ZNF804A: variants seen among roughly 807,000 people sequenced by gnomAD.
The protein encoded by ZNF804A is zinc finger protein 804A.
ZNF804A carries 2 observed loss-of-function variants against 16.5 expected under a neutral mutation model. The observed-to-expected ratio is 0.12, with a 90% CI of 0.05 to 0.38. The LOEUF (loss-of-function observed/expected upper bound fraction) is 0.38, where lower values mean the gene tolerates loss of function less well. ZNF804A is among the 10% of genes least tolerant of loss of function. ZNF804A has a pLI of 0.99. For synonymous variants in ZNF804A, 534 were observed against 489.6 expected, an observed-to-expected ratio of 1.09 and a Z score of -1.20; for missense variants, 1,473 against 1,390.7, an observed-to-expected ratio of 1.06 and a Z score of -0.94.
chr2:184,668,042 A>G (rs928333805), intron 1 of ZNF804A, among the ~76,000 whole-genome samples: 1 of 151,822 alleles, frequency 6.6e-6, no homozygotes, highest in African/African-American at 2.4e-5. Flanking sequence ...AACAGAATCA[A>G]CTTTACAAAA....
At chr2:184,663,215 C>A (rs1200245179) in intron 1 of ZNF804A, among the ~76,000 whole-genome samples, 1 of 152,168 alleles carries the variant, frequency 6.6e-6, no homozygotes, top group Non-Finnish European at 1.5e-5. Flanking sequence ...TGGGAAGCCC[C>A]CATACCCTCA....
intron 2 of ZNF804A, among the ~76,000 whole-genome samples, chr2:184,913,694 TTC>T (rs1263019175): frequency 3.9e-5 from 6 of 152,190 alleles, no homozygotes; most frequent in Non-Finnish European, 1.5e-5. Context: ...AAGAAGTTGA[TTC>T]TGATAGTTTT....
chr2:184,633,130 T>G (rs909820307), intron 1 of ZNF804A, among the ~76,000 whole-genome samples: 1 of 152,206 alleles, frequency 6.6e-6, no homozygotes, highest in African/African-American at 2.4e-5. Context: ...TATTCTATGA[T>G]GTTTGCCTGA....
chr2:184,938,729 AGCTGCAGCTGCAGCCGCAGCT>A lies in ZNF804A; in HGVS notation c.3336_3356del (p.Ala1113_Ala1119del), dbSNP rs1292125000. 2.5e-6 allele frequency: 4 copies of A among 1,605,980 alleles called. No individual in the cohort carries two copies. In the African/African-American group the frequency reaches 5.4e-5, roughly 22 times the overall value. ...TGCAGCAGCACGCTGCAGCTGCTGC[AGCTGCAGCTGCAGCCGCAGCT>A]GCAGGAACCTTTAAAGTGCTTCAGC... On this transcript the variant is annotated inframe_deletion, in exon 4 of 4. Transcript: ENST00000302277.
intron 1 of ZNF804A, among the ~76,000 whole-genome samples, chr2:184,701,959 G>A (rs1373410666): frequency 6.6e-6 from 1 of 151,906 alleles, no homozygotes; most frequent in East Asian, 1.9e-4. Context: ...GTTAAAAAGA[G>A]TTCTTTAGAG....
At chr2:184,610,133 C>T (rs1259972871) in intron 1 of ZNF804A, among the ~76,000 whole-genome samples, 1 of 152,078 alleles carries the variant, frequency 6.6e-6, no homozygotes, top group Admixed American at 6.5e-5. Context: ...GGCTGTTACT[C>T]GTAAGTCCAC....
chr2:184,634,518 AAGG>A (rs1348034057), intron 1 of ZNF804A, among the ~76,000 whole-genome samples: 19 of 152,044 alleles, frequency 1.2e-4, no homozygotes, highest in Non-Finnish European at 2.4e-4. Flanking sequence ...ATGGGCAGAG[AAGG>A]AGATGTGATG....
intron 1 of ZNF804A, among the ~76,000 whole-genome samples, chr2:184,703,466 G>A: frequency 6.6e-6 from 1 of 151,962 alleles, no homozygotes; most frequent in Non-Finnish European, 1.5e-5. Context: ...ACTTTGGGAG[G>A]CCGAGGCGGG....
intron 1 of ZNF804A, among the ~76,000 whole-genome samples, chr2:184,782,166 C>T (rs1694380919): frequency 6.6e-6 from 1 of 151,676 alleles, no homozygotes; most frequent in African/African-American, 2.4e-5. Flanking sequence ...AGGACTTCAA[C>T]ATATGAATTT....
chr2:184,648,568 T>C (rs1691923568), intron 1 of ZNF804A, among the ~76,000 whole-genome samples: 1 of 152,020 alleles, frequency 6.6e-6, no homozygotes, highest in Non-Finnish European at 1.5e-5. Context: ...TTGAAACCCA[T>C]AGGCTCACAG....
chr2:184,648,692 G>A (rs183712577), intron 1 of ZNF804A, among the ~76,000 whole-genome samples: 1 of 152,094 alleles, frequency 6.6e-6, no homozygotes, highest in East Asian at 1.9e-4. Flanking sequence ...AAAAGGTGAA[G>A]GGCACAACTT....
chr2:184,785,303 T>A (rs1363186472), intron 1 of ZNF804A, among the ~76,000 whole-genome samples: 1 of 152,046 alleles, frequency 6.6e-6, no homozygotes. Flanking sequence ...TTTTAAAAAT[T>A]AAGAGCATTT....
intron 1 of ZNF804A, among the ~76,000 whole-genome samples, chr2:184,807,717 A>G (rs561438943): frequency 1.3e-5 from 2 of 151,776 alleles, no homozygotes; most frequent in Non-Finnish European, 3.0e-5. Flanking sequence ...TGAATTATGG[A>G]CTGATGAGTA....
intron 1 of ZNF804A, among the ~76,000 whole-genome samples, chr2:184,733,012 T>C (rs1336535330): frequency 6.6e-6 from 1 of 152,156 alleles, no homozygotes; most frequent in Non-Finnish European, 1.5e-5. Flanking sequence ...CAAATCAGTG[T>C]ATCTTTTCTT....
At chr2:184,894,538 G>A (rs1685036356) in intron 2 of ZNF804A, among the ~76,000 whole-genome samples, 1 of 150,892 alleles carries the variant, frequency 6.6e-6, no homozygotes, top group South Asian at 2.1e-4. Context: ...TTACTTTTTT[G>A]CTAGTTTCAA....
intron 1 of ZNF804A, among the ~76,000 whole-genome samples, chr2:184,782,287 C>A (rs1194315485): frequency 6.6e-6 from 1 of 151,410 alleles, no homozygotes; most frequent in Non-Finnish European, 1.5e-5. Context: ...TTGAAGGGTG[C>A]AAAGTATTGA....
intron 2 of ZNF804A, among the ~76,000 whole-genome samples, chr2:184,877,407 C>A (rs1005093913): frequency 6.6e-6 from 1 of 151,958 alleles, no homozygotes; most frequent in Non-Finnish European, 1.5e-5. Context: ...TCTAATATTA[C>A]CATCATGTGG....
At chr2:184,834,741 T>C (rs1233807279) in intron 1 of ZNF804A, among the ~76,000 whole-genome samples, 3 of 152,142 alleles carry the variant, frequency 2.0e-5, no homozygotes, top group African/African-American at 4.8e-5. Context: ...TCTATCACCA[T>C]AGAATATTTA....
At chr2:184,722,168 C>A (rs1393042514) in intron 1 of ZNF804A, among the ~76,000 whole-genome samples, 1 of 151,884 alleles carries the variant, frequency 6.6e-6, no homozygotes, top group Admixed American at 6.6e-5. Flanking sequence ...AAAATAAATT[C>A]ATGTTCTCCA....
Sources: gnomAD v4.1 joint callset for allele counts (sites outside exome capture counted in the v4.1 genomes callset) on GRCh38, gnomAD v4.1.1 for gene constraint, MANE v1.5 for transcripts, NCBI Gene and HGNC (gene_info 2026-07-23, HGNC 2026-07-21) for gene names.